Variants in ESRRG observed in about 807,000 individuals in gnomAD.
ESRRG encodes the protein estrogen-related receptor gamma.
A neutral mutation model predicts 44.0 loss-of-function variants in ESRRG; 13 were observed. That is an observed-to-expected ratio of 0.30 (90% CI 0.19 to 0.47). The LOEUF (loss-of-function observed/expected upper bound fraction) is 0.47. Among genes scored for constraint, ESRRG ranks in the 20% least tolerant of loss-of-function variants. The pLI, the probability that ESRRG is intolerant of heterozygous loss-of-function variation, is 1.00. For synonymous variants in ESRRG, 215 were observed against 214.6 expected, an observed-to-expected ratio of 1.00 and a Z score of -0.02; for missense variants, 395 against 580.6, an observed-to-expected ratio of 0.68 and a Z score of 3.29.
At chr1:217,015,090 A>G (rs1053531032) in intron 1 of ESRRG, among the ~76,000 whole-genome samples, 18 of 152,164 alleles carry the variant, frequency 1.2e-4, no homozygotes, top group African/African-American at 4.3e-4. Context: ...ATGAACCCGA[A>G]TCCAATCATC....
intron 2 of ESRRG, among the ~76,000 whole-genome samples, chr1:216,912,135 G>GAA (rs1277205151): frequency 8.4e-5 from 2 of 23,856 alleles, no homozygotes; most frequent in African/African-American, 5.0e-4. Flanking sequence ...GAAAAGAAAA[G>GAA]AAAAGAAAAG....
chr1:216,914,583 A>T (rs1444976413), intron 2 of ESRRG, among the ~76,000 whole-genome samples: 2 of 152,216 alleles, frequency 1.3e-5, no homozygotes, highest in African/African-American at 4.8e-5. Flanking sequence ...GTCTGCTGAC[A>T]TTACCAAAAG....
intron 3 of ESRRG, among the ~76,000 whole-genome samples, chr1:216,600,884 C>T (rs986818623): frequency 6.6e-6 from 1 of 152,166 alleles, no homozygotes; most frequent in African/African-American, 2.4e-5. Context: ...TCTGGTTGGA[C>T]GCAGGCTGCA....
intron 5 of ESRRG, among the ~76,000 whole-genome samples, chr1:216,538,619 A>T (rs1466497323): frequency 6.6e-6 from 1 of 152,058 alleles, no homozygotes; most frequent in Non-Finnish European, 1.5e-5. Context: ...AAACGCAGCA[A>T]ATGCATCCCC....
intron 2 of ESRRG, among the ~76,000 whole-genome samples, chr1:216,781,525 T>C (rs950167202): frequency 6.6e-6 from 1 of 152,004 alleles, no homozygotes; most frequent in Non-Finnish European, 1.5e-5. Flanking sequence ...ATTTACGTAA[T>C]GTCTTCTGCA....
chr1:216,777,295 AATGCTAAG>A (rs2093651201), intron 2 of ESRRG, among the ~76,000 whole-genome samples: 1 of 152,160 alleles, frequency 6.6e-6, no homozygotes, highest in Admixed American at 6.5e-5. Context: ...GTTCCGAGGC[AATGCTAAG>A]AGTCTGCCTA....
At chr1:216,994,732 C>G (rs1390965839) in intron 1 of ESRRG, among the ~76,000 whole-genome samples, 1 of 151,366 alleles carries the variant, frequency 6.6e-6, no homozygotes, top group East Asian at 2.0e-4. Context: ...CAGGTGCCCA[C>G]CACCACGCCC....
intron 3 of ESRRG, among the ~76,000 whole-genome samples, chr1:216,596,506 T>C (rs183994863): frequency 2.0e-4 from 31 of 152,334 alleles, no homozygotes; most frequent in African/African-American, 7.2e-4. Context: ...ACTTTTATTT[T>C]ACAATGCCTG....
intron 1 of ESRRG, among the ~76,000 whole-genome samples, chr1:217,109,110 G>A (rs908095429): frequency 6.6e-6 from 1 of 152,166 alleles, no homozygotes; most frequent in Non-Finnish European, 1.5e-5. Flanking sequence ...TTACCCATCT[G>A]AGGGATTTTG....
intron 1 of ESRRG, among the ~76,000 whole-genome samples, chr1:216,974,432 C>G (rs528158798): frequency 1.3e-5 from 2 of 152,140 alleles, no homozygotes; most frequent in South Asian, 4.1e-4. Context: ...AGACCTAACT[C>G]TTGCAGGTAT....
At chr1:216,749,148 T>TA (rs368983213) in intron 2 of ESRRG, among the ~76,000 whole-genome samples, 276 of 10,426 alleles carry the variant, frequency 0.026, 1 homozygote, top group Middle Eastern at 0.1. Flanking sequence ...TGTCTAAATA[T>TA]TTTTTTTTTT....
intron 1 of ESRRG, among the ~76,000 whole-genome samples, chr1:216,952,845 C>A (rs1245810599): frequency 6.6e-6 from 1 of 152,104 alleles, no homozygotes; most frequent in Non-Finnish European, 1.5e-5. Context: ...CAGCTACTAG[C>A]ACATGGACAC....
chr1:216,894,028 T>C (rs1285538878), intron 2 of ESRRG, among the ~76,000 whole-genome samples: 1 of 152,188 alleles, frequency 6.6e-6, no homozygotes, highest in Non-Finnish European at 1.5e-5. Context: ...CCAAAATGCA[T>C]GTTGGCTTCA....
At chr1:217,079,684 C>G (rs1046532900) in intron 1 of ESRRG, among the ~76,000 whole-genome samples, 6 of 152,162 alleles carry the variant, frequency 3.9e-5, no homozygotes, top group African/African-American at 7.2e-5. Context: ...CTACCATACA[C>G]AATTTTTTGT....
chr1:216,743,601 T>C (rs937853179), intron 2 of ESRRG, among the ~76,000 whole-genome samples: 5 of 152,212 alleles, frequency 3.3e-5, no homozygotes, highest in Non-Finnish European at 7.3e-5. Flanking sequence ...AGAGTTTTTC[T>C]AGCAAGCTGT....
intron 2 of ESRRG, among the ~76,000 whole-genome samples, chr1:216,749,967 ATAGC>A (rs2091845739): frequency 6.6e-6 from 1 of 152,208 alleles, no homozygotes; most frequent in South Asian, 2.1e-4. Flanking sequence ...ATAAACTCAA[ATAGC>A]TAGTCTAGGA....
At chr1:217,012,807 C>A (rs1170929956) in intron 1 of ESRRG, among the ~76,000 whole-genome samples, 1 of 152,078 alleles carries the variant, frequency 6.6e-6, no homozygotes, top group Non-Finnish European at 1.5e-5. Context: ...CTCAGGATTT[C>A]TATTCATAGT....
rs528529703 is a variant in ESRRG at position 216,929,457 on chromosome 1, T to C, written c.-14+10125A>G. 5.9e-5 allele frequency among the ~76,000 whole-genome samples: 9 copies of C among 152,228 alleles called. No individual in the cohort carries two copies. In the East Asian group the frequency reaches 1.7e-3, roughly 29 times the overall value. ...GAAATGAATGCTTGGAAACATATAA[T>C]GAAGACTTCACCCAGTGCGTGTGTG... On this transcript the variant is annotated intron_variant, in intron 2 of 7. Coordinates refer to the ESRRG transcript ENST00000359162.
intron 6 of ESRRG, among the ~76,000 whole-genome samples, chr1:216,508,864 G>C (rs1441272124): frequency 6.6e-6 from 1 of 152,134 alleles, no homozygotes; most frequent in Non-Finnish European, 1.5e-5. Flanking sequence ...TATGGACCTT[G>C]TGCATAAGGG....
Sources: gnomAD v4.1 joint callset for allele counts (sites outside exome capture counted in the v4.1 genomes callset) on GRCh38, gnomAD v4.1.1 for gene constraint, MANE v1.5 for transcripts, NCBI Gene and HGNC (gene_info 2026-07-23, HGNC 2026-07-21) for gene names.